Variants in LYN observed in about 807,000 individuals in gnomAD.
LYN encodes LYN proto-oncogene, Src family tyrosine kinase.
In LYN, 12 loss-of-function variants were observed where a neutral mutation model predicts 65.0. That is an observed-to-expected ratio of 0.18 (90% CI 0.12 to 0.30). LYN has a LOEUF of 0.30. Ranked by LOEUF, LYN falls within the 10% of genes least tolerant of loss-of-function variation. The probability of loss-of-function intolerance (pLI) is 1.00; values close to 1 mark genes in which losing one functional copy is unlikely to be tolerated. For synonymous variants in LYN, 222 were observed against 221.2 expected (o/e 1.00, Z -0.03); for missense variants, 380 against 623.2 (o/e 0.61, Z 4.16).
chr8:55,951,899 C>T, intron 6 of LYN, 67 bp from the exon 7 acceptor site: 1 of 1,237,956 alleles, frequency 8.1e-7, no homozygotes. Flanking sequence ...ATGTGTACTG[C>T]AGTTGTTGTA....
chr8:55,901,915 A>G (rs1237732798), intron 1 of LYN, among the ~76,000 whole-genome samples: 2 of 152,196 alleles, frequency 1.3e-5, no homozygotes, highest in Non-Finnish European at 1.5e-5. Flanking sequence ...CAGGGCAGCA[A>G]TGGAGTCATG....
At chr8:55,978,105 C>G (rs1807807984) in intron 10 of LYN, among the ~76,000 whole-genome samples, 1 of 152,176 alleles carries the variant, frequency 6.6e-6, no homozygotes, top group Non-Finnish European at 1.5e-5. Flanking sequence ...ACCTCTCAAC[C>G]AAGTGGCTTT....
At chr8:55,994,103 G>A (rs1162400318) in intron 10 of LYN, among the ~76,000 whole-genome samples, 1 of 152,104 alleles carries the variant, frequency 6.6e-6, no homozygotes, top group Non-Finnish European at 1.5e-5. Context: ...TTACTTAGCC[G>A]TAGTAAATAG....
rs1256387725 is a variant in LYN, at chr8:56,010,564, T to A, written c.*454T>A. ...CATGACATTTCTTTGTGCTTTGGCT[T>A]ACTTGTTTAAAAAAAAAAAAAAACT... On this transcript the variant is annotated 3_prime_UTR_variant, in exon 13 of 13. Transcript: ENST00000519728. The A allele has an allele frequency of 1.7e-5, 4 of 229,538 alleles. No homozygotes were observed. The highest frequency in any genetic ancestry group is 3.4e-5 in the Non-Finnish European group (4 of 115,952). 14.2% of individuals were successfully genotyped at this position (229,538 alleles called of 1,614,324 possible).
chr8:55,995,813 A>G (rs1453898293), intron 10 of LYN, among the ~76,000 whole-genome samples: 1 of 152,166 alleles, frequency 6.6e-6, no homozygotes, highest in East Asian at 1.9e-4. Context: ...CAGCAGTGCA[A>G]AGGAGCTTGG....
At chr8:55,957,197 G>C (rs1231233173) in intron 8 of LYN, among the ~76,000 whole-genome samples, 1 of 152,114 alleles carries the variant, frequency 6.6e-6, no homozygotes, top group Non-Finnish European at 1.5e-5. Flanking sequence ...ATCTTCAGTT[G>C]TTCAAAGGAA....
Position 55,942,000 on chromosome 8 carries a change from A to T in LYN, c.132+9A>T. ...ATAAACAGCAAAGGCCAGTAAGTAG[A>T]TAGTCTCAGGGGAGAATTCCCACAG... On this transcript the variant is annotated intron_variant, in intron 2 of 12. Coordinates refer to ENST00000519728, the MANE Select transcript of LYN (RefSeq NM_002350.4). 1 of 1,613,170 alleles carries T rather than the reference A, an allele frequency of 6.2e-7. No homozygotes were observed. The highest frequency in any genetic ancestry group is 1.1e-5 in the South Asian group (1 of 91,052).
At chr8:55,920,460 A>G (rs900886132) in intron 1 of LYN, among the ~76,000 whole-genome samples, 4 of 152,220 alleles carry the variant, frequency 2.6e-5, no homozygotes, top group African/African-American at 7.2e-5. Context: ...GAAGTAACGC[A>G]TTGTTTACTT....
intron 1 of LYN, among the ~76,000 whole-genome samples, chr8:55,883,961 T>C (rs1804717903): frequency 6.6e-6 from 1 of 152,248 alleles, no homozygotes; most frequent in Admixed American, 6.5e-5. Flanking sequence ...TTATCATTTC[T>C]AAAATTTATT....
chr8:55,943,121 T>C (rs1427427247), intron 2 of LYN, among the ~76,000 whole-genome samples: 1 of 152,206 alleles, frequency 6.6e-6, no homozygotes, highest in Non-Finnish European at 1.5e-5. Flanking sequence ...TCACATTTTA[T>C]GGAAAGGAAG....
chr8:55,897,083 G>A (rs747677629), intron 1 of LYN, among the ~76,000 whole-genome samples: 3 of 152,126 alleles, frequency 2.0e-5, no homozygotes, highest in African/African-American at 7.2e-5. Flanking sequence ...AATGGAATGA[G>A]CTGGTTGGAG....
chr8:55,894,274 C>T (rs1805030849), intron 1 of LYN, among the ~76,000 whole-genome samples: 1 of 151,872 alleles, frequency 6.6e-6, no homozygotes, highest in African/African-American at 2.4e-5. Context: ...GGTCATGGCT[C>T]CTGCAGCCTC....
chr8:55,968,912 T>C (rs747181102), intron 9 of LYN, among the ~76,000 whole-genome samples: 2 of 151,808 alleles, frequency 1.3e-5, no homozygotes, highest in Non-Finnish European at 2.9e-5. Context: ...CCATAGGAGG[T>C]TGGAGAGTTT....
chr8:56,005,287 G>T (rs964305955), intron 12 of LYN, among the ~76,000 whole-genome samples: 4 of 152,180 alleles, frequency 2.6e-5, no homozygotes, highest in African/African-American at 9.7e-5. Flanking sequence ...TCCATGCATG[G>T]TGTGGCCCAT....
intron 12 of LYN, among the ~76,000 whole-genome samples, chr8:56,007,226 G>T (rs539820732): frequency 1.3e-5 from 2 of 152,280 alleles, no homozygotes; most frequent in Non-Finnish European, 2.9e-5. Flanking sequence ...ATATCATACT[G>T]GATGTTAGTC....
At chr8:55,994,799 A>T (rs937601580) in intron 10 of LYN, among the ~76,000 whole-genome samples, 3 of 152,142 alleles carry the variant, frequency 2.0e-5, no homozygotes, top group Admixed American at 1.3e-4. Flanking sequence ...TAAAGGCTGC[A>T]CTACCATGGA....
intron 1 of LYN, among the ~76,000 whole-genome samples, chr8:55,886,956 T>G (rs1317852077): frequency 6.6e-6 from 1 of 152,236 alleles, no homozygotes; most frequent in Non-Finnish European, 1.5e-5. Context: ...TCTTATTTCT[T>G]CTATCAAACA....
At chr8:55,884,174 A>G (rs1804723149) in intron 1 of LYN, among the ~76,000 whole-genome samples, 1 of 152,158 alleles carries the variant, frequency 6.6e-6, no homozygotes, top group South Asian at 2.1e-4. Context: ...ATCTCAGCTC[A>G]CGGCAATCTC....
chr8:55,989,252 G>C (rs1296082701), intron 10 of LYN, among the ~76,000 whole-genome samples: 1 of 152,240 alleles, frequency 6.6e-6, no homozygotes, highest in Non-Finnish European at 1.5e-5. Flanking sequence ...GAATGACCTG[G>C]ATGGTCATCA....
Sources: allele counts gnomAD v4.1 joint callset (sites outside exome capture counted in the v4.1 genomes callset), GRCh38; gene constraint gnomAD v4.1.1; transcripts MANE v1.5; gene names NCBI Gene and HGNC (gene_info 2026-07-23, HGNC 2026-07-21).